FCMR: variants seen among roughly 807,000 people sequenced by gnomAD.
The protein encoded by FCMR is immunoglobulin mu Fc receptor.
In FCMR, 34 loss-of-function variants were observed where a neutral mutation model predicts 41.6. That is an observed-to-expected ratio of 0.82 (90% CI 0.62 to 1.09). FCMR has a LOEUF of 1.09. Ranked by LOEUF, FCMR falls within the 50% of genes least tolerant of loss-of-function variation. The probability of loss-of-function intolerance (pLI) is 0.00; values close to 1 mark genes in which losing one functional copy is unlikely to be tolerated. For missense variants in FCMR, 496 were observed against 512.5 expected, an observed-to-expected ratio of 0.97 and a Z score of 0.31; for synonymous variants, 209 against 211.8, an observed-to-expected ratio of 0.99 and a Z score of 0.12.
At chr1:206,918,679 G>GTGTGTGTGTGTGTC (rs1458541247) in intron 1 of FCMR, among the ~76,000 whole-genome samples, 2 of 151,886 alleles carry the variant, frequency 1.3e-5, no homozygotes, top group African/African-American at 4.8e-5. Context: ...GTGTGTGTGT[G>GTGTGTGTGTGTGTC]TGTGTGTCTG....
At position 206,910,311 on chromosome 1, in the gene FCMR, C is replaced by T; in HGVS notation, c.740G>A (p.Arg247Lys). The T allele has an allele frequency of 3.2e-6, 5 of 1,571,718 alleles. No individual in the cohort carries two copies. Among genetic ancestry groups the T allele is most frequent in the Non-Finnish European group, 4.3e-6 (5 of 1,158,260 alleles). ...CAGGATGTGAAATCCTTGGCCTTCC[C>T]TCCCAGACTGTGAGCCATAGTCCAG... ...RALDYGSQSGREGQGFHILIP... is the reference protein window; with the variant it reads ...RALDYGSQSGKEGQGFHILIP... The change falls in exon 5 of 8, where the codon AGG becomes AAG. Residue 247 changes from arginine to lysine, a missense_variant. Arg to Lys is a conservative substitution (Grantham distance 26, BLOSUM62 2). Transcript: ENST00000367091.
chr1:206,913,987 A>G lies in FCMR; in HGVS notation c.145T>C (p.Cys49Arg). ...LPEMHVRIYLCREMAGSGTCG... is the reference protein window; with the variant it reads ...LPEMHVRIYLRREMAGSGTCG... Reference sequence around the variant, plus strand: ...GTTCCAGATCCAGCCATCTCCCGGCACAGATATATCCTCACATGCATTTCA... The same window carrying G: ...GTTCCAGATCCAGCCATCTCCCGGCGCAGATATATCCTCACATGCATTTCA... Residue 49 changes from cysteine to arginine, a missense_variant, in exon 2 of 8, where the codon TGC (cysteine) becomes CGC (arginine). Coordinates refer to ENST00000367091, the MANE Select transcript of FCMR (RefSeq NM_005449.5). 2 of 1,614,204 alleles carry G rather than the reference A, an allele frequency of 1.2e-6. No individual in the cohort carries two copies. The highest frequency in any genetic ancestry group is 1.7e-6 in the Non-Finnish European group (2 of 1,180,030).
chr1:206,916,371 G>A (rs1204536615), intron 1 of FCMR, among the ~76,000 whole-genome samples: 2 of 152,232 alleles, frequency 1.3e-5, no homozygotes, highest in African/African-American at 4.8e-5. Context: ...AGCCAGGAAG[G>A]GGGTGTGAAT....
chr1:206,917,962 C>A, intron 1 of FCMR: 1 of 379,760 alleles, frequency 2.6e-6, no homozygotes, highest in Non-Finnish European at 5.1e-6. Flanking sequence ...GCCTCCCCTT[C>A]ACCTGCCAAC....
intron 4 of FCMR, among the ~76,000 whole-genome samples, chr1:206,911,242 T>TA (rs1429172860): frequency 6.6e-6 from 1 of 151,774 alleles, no homozygotes; most frequent in Non-Finnish European, 1.5e-5. Flanking sequence ...TATAGGGTTT[T>TA]TTTTTTTTGG....
At chr1:206,907,624 G>A (rs551925857) in intron 7 of FCMR, 8 of 743,738 alleles carry the variant, frequency 1.1e-5, no homozygotes, top group East Asian at 2.6e-5. Flanking sequence ...CGAAGATGGC[G>A]GGGGTGCAGG....
intron 7 of FCMR, chr1:206,908,194 A>G: frequency 6.8e-7 from 1 of 1,461,794 alleles, no homozygotes; most frequent in Non-Finnish European, 9.4e-7. Context: ...TGACAAATAC[A>G]CAGAGGTCCT....
intron 4 of FCMR, among the ~76,000 whole-genome samples, 189 bp downstream of exon 4, chr1:206,911,541 G>A: frequency 6.6e-6 from 1 of 152,170 alleles, no homozygotes; most frequent in East Asian, 1.9e-4. Context: ...CAGGATCAAT[G>A]CTGGGGCATT....
chr1:206,910,469 C>G, intron 4 of FCMR, 129 bp from the exon 5 acceptor site: 1 of 624,326 alleles, frequency 1.6e-6, no homozygotes, highest in Non-Finnish European at 2.4e-6. Context: ...ACAGAATTCA[C>G]TCCACTCCCC....
At position 206,912,096 on chromosome 1, in the gene FCMR, T is replaced by G. The variant is rs1678969543; in HGVS notation, c.488-144A>C. ...TTGCAGTCCTCAGGGCCTAAAATCC[T>G]TTTTAACATGCTATCTAGGCCTACT... On this transcript the variant is annotated intron_variant, in intron 3 of 7. Transcript: ENST00000367091. The G allele has an allele frequency of 1.7e-5, 11 of 643,120 alleles. No homozygotes were observed. In the South Asian group the frequency reaches 2.2e-4, roughly 13 times the overall value. The allele number at this position is 643,120 out of a possible 1,614,324, so 39.8% of individuals were successfully genotyped here.
In FCMR at chr1:206,904,721, ACT is replaced by A. The variant is rs1330830960; in HGVS notation, c.*296_*297del. On this transcript the variant is annotated 3_prime_UTR_variant, in exon 8 of 8. Transcript: ENST00000367091. The stretch of plus-strand genomic sequence containing the variant: ...CTGTGGTCAAAGACATGGAAGAAAC[ACT>A]CTGCAAATCCCACAGTCTGTTCGAC... 1 of 360,364 alleles carries A rather than the reference ACT, an allele frequency of 2.8e-6. No homozygotes were observed. The highest frequency in any genetic ancestry group is 5.3e-6 in the Non-Finnish European group (1 of 189,162). The allele number at this position is 360,364 out of a possible 1,614,324, so 22.3% of individuals were successfully genotyped here.
Position 206,907,937 on chromosome 1 carries a change from G to A in FCMR, c.1044+1525C>T, listed in dbSNP as rs971833704. On this transcript the variant is annotated intron_variant, in intron 7 of 7. Coordinates refer to ENST00000367091, the MANE Select transcript of FCMR (RefSeq NM_005449.5). ...CTGGACCACCTCAAGGTGTTTGACG[G>A]CATCCTACTGCCCTACGACAAGAAA... 2.6e-5 allele frequency: 34 copies of A among 1,293,940 alleles called. No individual in the cohort carries two copies. In the East Asian group the frequency reaches 3.5e-4, roughly 13 times the overall value. 80.2% of individuals were successfully genotyped at this position (1,293,940 alleles called of 1,614,324 possible). A position where few individuals can be genotyped will look rare whatever the true frequency, so the allele number is the denominator to read the frequency against.
rs958676725 is a variant in FCMR at position 206,913,998 on chromosome 1, C to T, written c.134G>A (p.Arg45Lys). ...IKCPLPEMHVRIYLCREMAGS... is the reference protein window; with the variant it reads ...IKCPLPEMHVKIYLCREMAGS... ...AGCCATCTCCCGGCACAGATATATCCTCACATGCATTTCAGGAAGTGGGCA... is the reference window on the plus strand; with the variant it reads ...AGCCATCTCCCGGCACAGATATATCTTCACATGCATTTCAGGAAGTGGGCA... The change falls in exon 2 of 8, where the codon AGG (arginine) becomes AAG (lysine). Residue 45 changes from arginine to lysine, a missense_variant. Coordinates refer to ENST00000367091, the MANE Select transcript of FCMR (RefSeq NM_005449.5). The T allele has an allele frequency of 5.0e-6, 8 of 1,614,120 alleles. No individual in the cohort carries two copies. In the Admixed American group the frequency reaches 5.0e-5, roughly 10 times the overall value.
chr1:206,922,007 C>T (rs1679461350), upstream of FCMR: 1 of 670,520 alleles, frequency 1.5e-6, no homozygotes, highest in Admixed American at 2.8e-5. Context: ...ATGACAACCT[C>T]CCTTGTTTGC....
chr1:206,905,310 G>A (rs1055322774), intron 7 of FCMR, among the ~76,000 whole-genome samples, 163 bp from the exon 8 acceptor site: 2 of 152,024 alleles, frequency 1.3e-5, no homozygotes, highest in African/African-American at 4.8e-5. Flanking sequence ...TAGCCCTGGG[G>A]ATTTTCAGGG....
At chr1:206,907,682 A>T in intron 7 of FCMR, 1 of 819,276 alleles carries the variant, frequency 1.2e-6, no homozygotes, top group East Asian at 2.5e-5. Context: ...CCTGGCGGCC[A>T]TCGTGGCTAA....
At chr1:206,910,166 T>C in intron 5 of FCMR, 44 bp downstream of exon 5, 1 of 1,530,338 alleles carries the variant, frequency 6.5e-7, no homozygotes, top group Non-Finnish European at 8.8e-7. Flanking sequence ...CGCTGTGGGC[T>C]CTTTGGGCAG....
intron 7 of FCMR, chr1:206,907,731 G>A: frequency 1.0e-6 from 1 of 984,298 alleles, no homozygotes; most frequent in Non-Finnish European, 1.6e-6. Flanking sequence ...GTCGTACGCT[G>A]GGAGGGCATC....
chr1:206,905,097 T>C lies in FCMR; in HGVS notation c.1095A>G (p.Glu365=), dbSNP rs200690250. 2 of 1,614,042 alleles carry C rather than the reference T, an allele frequency of 1.2e-6. No homozygotes were observed. The highest frequency in any genetic ancestry group is 3.3e-5 in the Admixed American group (2 of 60,018). The change falls in exon 8 of 8, where the codon GAA becomes GAG. Residue 365 remains glutamate, a synonymous_variant. Coordinates refer to ENST00000367091, the MANE Select transcript of FCMR (RefSeq NM_005449.5). ...CAGGCTGGTGGTAGAGGCTCACGTATTCACAGCTGGTCTTCAGAGATGGGG... is the reference window on the plus strand; with the variant it reads ...CAGGCTGGTGGTAGAGGCTCACGTACTCACAGCTGGTCTTCAGAGATGGGG... ...LHAPSLKTSC[E]YVSLYHQPAA...
Sources: allele counts gnomAD v4.1 joint callset (sites outside exome capture counted in the v4.1 genomes callset), GRCh38; gene constraint gnomAD v4.1.1; transcripts MANE v1.5; gene names NCBI Gene and HGNC (gene_info 2026-07-23, HGNC 2026-07-21).